DPP10: variants seen among roughly 807,000 people sequenced by gnomAD.
DPP10 encodes the protein dipeptidyl peptidase like 10.
Under a neutral mutation model 120.9 loss-of-function variants are expected in DPP10, and 33 were observed. The observed-to-expected ratio is 0.27, with a 90% CI of 0.21 to 0.37. The LOEUF is 0.37. Ranked by LOEUF, DPP10 falls within the 10% of genes least tolerant of loss-of-function variation. DPP10 has a pLI of 1.00. For synonymous variants in DPP10, 337 were observed against 326.1 expected (o/e 1.03, Z -0.36); for missense variants, 816 against 942.8 (o/e 0.87, Z 1.76).
At chr2:115,277,975 A>G (rs1459059410) in intron 1 of DPP10, among the ~76,000 whole-genome samples, 1 of 152,194 alleles carries the variant, frequency 6.6e-6, no homozygotes, top group African/African-American at 2.4e-5. Context: ...CTCAATTAGT[A>G]TCCCTGATTC....
At chr2:115,317,084 ACT>A (rs149472681) in intron 2 of DPP10, among the ~76,000 whole-genome samples, 2,216 of 152,186 alleles carry the variant, frequency 0.015, 29 homozygotes, top group Non-Finnish European at 0.023. Context: ...AGAGAGCATG[ACT>A]CTGTCCAAAA....
chr2:114,748,362 T>TTTTATTTATTTA (rs57013331), intron 1 of DPP10, among the ~76,000 whole-genome samples: 9 of 124,738 alleles, frequency 7.2e-5, no homozygotes, highest in East Asian at 4.7e-4. Flanking sequence ...TTTTTTTTTA[T>TTTTATTTATTTA]TTTATTTATT....
intron 1 of DPP10, among the ~76,000 whole-genome samples, chr2:115,128,179 C>T (rs2050171676): frequency 6.6e-6 from 1 of 152,064 alleles, no homozygotes; most frequent in African/African-American, 2.4e-5. Flanking sequence ...AATCAAAACC[C>T]TCCTCTCCAG....
At chr2:115,224,494 G>A (rs1271874691) in intron 1 of DPP10, among the ~76,000 whole-genome samples, 3 of 152,088 alleles carry the variant, frequency 2.0e-5, no homozygotes, top group African/African-American at 7.2e-5. Flanking sequence ...GAAGCAGTGA[G>A]TAGAATGGTG....
intron 1 of DPP10, among the ~76,000 whole-genome samples, chr2:115,118,686 TCTC>T (rs2049658028): frequency 6.6e-6 from 1 of 151,908 alleles, no homozygotes; most frequent in African/African-American, 2.4e-5. Context: ...TTCAAGCAAT[TCTC>T]CTGCCTCAGT....
chr2:114,748,975 C>A (rs1400743936), intron 1 of DPP10, among the ~76,000 whole-genome samples: 1 of 129,532 alleles, frequency 7.7e-6, no homozygotes, highest in East Asian at 2.2e-4. Flanking sequence ...TGAGGAATCG[C>A]CACACTGACT....
intron 1 of DPP10, among the ~76,000 whole-genome samples, chr2:115,012,286 C>A (rs1290146787): frequency 6.6e-6 from 1 of 152,118 alleles, no homozygotes; most frequent in Non-Finnish European, 1.5e-5. Flanking sequence ...AATACTGAAC[C>A]AGGTGTCCCT....
At chr2:115,269,635 A>C (rs1314125689) in intron 1 of DPP10, among the ~76,000 whole-genome samples, 2 of 152,142 alleles carry the variant, frequency 1.3e-5, no homozygotes, top group Admixed American at 1.3e-4. Context: ...ATGACATGGC[A>C]ACTGGTTTCT....
intron 21 of DPP10, among the ~76,000 whole-genome samples, chr2:115,835,306 T>C (rs1159965237): frequency 1.3e-5 from 2 of 152,106 alleles, no homozygotes; most frequent in Admixed American, 6.6e-5. Context: ...CATAAGGATG[T>C]AGGAAAGGTT....
chr2:114,773,597 T>C (rs1037231639), intron 1 of DPP10, among the ~76,000 whole-genome samples: 5 of 152,196 alleles, frequency 3.3e-5, no homozygotes, highest in African/African-American at 1.2e-4. Context: ...AACAGGTACT[T>C]AAATTAATGT....
intron 1 of DPP10, chr2:115,064,899 T>C (rs1706718920): frequency 8.2e-7 from 1 of 1,216,338 alleles, no homozygotes; most frequent in Non-Finnish European, 1.1e-6. Context: ...TGAATTGTCT[T>C]TTCCTATTTT....
At chr2:115,698,115 A>G (rs1438540506) in intron 7 of DPP10, among the ~76,000 whole-genome samples, 1 of 152,208 alleles carries the variant, frequency 6.6e-6, no homozygotes, top group Non-Finnish European at 1.5e-5. Flanking sequence ...TGGATCATAC[A>G]TTTTGCCACC....
At position 115,782,391 on chromosome 2, in the gene DPP10, A is replaced by C; in HGVS notation, c.1523A>C (p.Asn508Thr). 1 of 1,612,346 alleles carries C rather than the reference A, an allele frequency of 6.2e-7. No individual in the cohort carries two copies. Among genetic ancestry groups the C allele is most frequent in the Non-Finnish European group, 8.5e-7 (1 of 1,178,574 alleles). Residue 508 changes from asparagine to threonine, a missense_variant, in exon 17 of 26, where the codon AAC (asparagine) becomes ACC (threonine). Asn to Thr is a moderately conservative substitution (Grantham distance 65, BLOSUM62 0). This residue lies in a region of DPP10 where 592 missense variants were observed against 649.0 expected (regional missense o/e 0.91). Coordinates refer to ENST00000410059, the MANE Select transcript of DPP10 (RefSeq NM_020868.6). ...VPVVSLHSTD[N>T]PAKYFILESN... Reference sequence around the variant, plus strand: ...GTGGTCAGCCTACATAGTACGGACAACCCAGCAAGTGAGTACACAAGAAGA... The same window carrying C: ...GTGGTCAGCCTACATAGTACGGACACCCCAGCAAGTGAGTACACAAGAAGA...
chr2:115,733,925 A>G (rs2092970343), intron 8 of DPP10, among the ~76,000 whole-genome samples: 1 of 152,356 alleles, frequency 6.6e-6, no homozygotes, highest in Non-Finnish European at 1.5e-5. Flanking sequence ...TTCTTTGTAA[A>G]TAATATAATA....
intron 17 of DPP10, among the ~76,000 whole-genome samples, chr2:115,789,413 CAAT>C (rs1050378113): frequency 2.2e-4 from 33 of 152,020 alleles, no homozygotes; most frequent in Admixed American, 7.9e-4. Context: ...TTTTGGCAAA[CAAT>C]AATAATAATA....
chr2:115,759,781 C>A lies in DPP10; in HGVS notation c.1075-2791C>A, dbSNP rs185107745. Among the ~76,000 whole-genome samples, 7 of 152,110 alleles carry A rather than the reference C, an allele frequency of 4.6e-5. No homozygotes were observed. The East Asian group carries it at 9.7e-4, about 21-fold the overall frequency. On this transcript the variant is annotated intron_variant, in intron 11 of 25. Transcript: ENST00000410059. ...ATCCCAACACTTTGGGAGGCGGAGGCGGGCAGATCACCTGAGGTCAGGAGT... is the reference window on the plus strand; with the variant it reads ...ATCCCAACACTTTGGGAGGCGGAGGAGGGCAGATCACCTGAGGTCAGGAGT...
At chr2:115,658,464 A>G (rs1462522536) in intron 5 of DPP10, among the ~76,000 whole-genome samples, 2 of 151,928 alleles carry the variant, frequency 1.3e-5, no homozygotes, top group Non-Finnish European at 2.9e-5. Context: ...TTGGCAGCAA[A>G]CATTAGTTCT....
At chr2:115,611,201 T>G (rs6722189) in intron 5 of DPP10, among the ~76,000 whole-genome samples, 2 of 152,214 alleles carry the variant, frequency 1.3e-5, no homozygotes, top group African/African-American at 2.4e-5. Flanking sequence ...TAAAATGATT[T>G]TAGAAAATAG....
chr2:115,672,680 C>CTCTTTCTTTCTTTCCTTCTTTCTT, intron 5 of DPP10, among the ~76,000 whole-genome samples: 1 of 113,264 alleles, frequency 8.8e-6, no homozygotes, highest in Non-Finnish European at 1.8e-5. Context: ...CTCTTTCTTT[C>CTCTTTCTTTCTTTCCTTCTTTCTT]TCTTTCTTTC....
Sources: allele counts gnomAD v4.1 joint callset (sites outside exome capture counted in the v4.1 genomes callset), GRCh38; gene constraint gnomAD v4.1.1; regional missense constraint gnomAD v4.1.1; transcripts MANE v1.5; gene names NCBI Gene and HGNC (gene_info 2026-07-23, HGNC 2026-07-21).